The following DYNC2I2 variants were observed in gnomAD, a reference collection of about 807,000 sequenced individuals.
DYNC2I2 encodes dynein 2 intermediate chain 2, also known as cytoplasmic dynein 2 intermediate chain 2.
In DYNC2I2, 39 loss-of-function variants were observed where a neutral mutation model predicts 52.0. The observed-to-expected ratio is 0.75, with a 90% CI of 0.58 to 0.98. The LOEUF (loss-of-function observed/expected upper bound fraction) is 0.98, where lower values mean the gene tolerates loss of function less well. DYNC2I2 is among the 50% of genes least tolerant of loss of function. DYNC2I2 has a pLI of 0.00. For synonymous variants in DYNC2I2, 359 were observed against 321.1 expected (o/e 1.12, Z -1.26); for missense variants, 743 against 728.4 (o/e 1.02, Z -0.23).
the DYNC2I2 span, among the ~76,000 whole-genome samples, chr9:128,680,361 A>AATT: frequency 0.014 from 2,013 of 139,770 alleles, 25 homozygotes; most frequent in African/African-American, 0.035. Flanking sequence ...GTACCTGGTC[A>AATT]ATTATTATTA....
upstream of DYNC2I2, among the ~76,000 whole-genome samples, chr9:128,657,148 C>T (rs1409943754): frequency 6.6e-6 from 1 of 152,206 alleles, no homozygotes; most frequent in Admixed American, 6.5e-5. Context: ...AACCGCGCCA[C>T]TCGAACAGGC....
the DYNC2I2 span, chr9:128,683,835 T>G: frequency 6.3e-6 from 9 of 1,418,310 alleles, no homozygotes; most frequent in East Asian, 2.5e-5. Context: ...GTCTCAGTGT[T>G]CAGCCTGCTT....
At chr9:128,636,219 C>T in intron 4 of DYNC2I2, 62 bp downstream of exon 4, 1 of 1,550,056 alleles carries the variant, frequency 6.5e-7, no homozygotes, top group Non-Finnish European at 8.7e-7. Flanking sequence ...TCCCTTGTGC[C>T]CTCTGCAGGG....
chr9:128,683,651 A>G, the DYNC2I2 span: 1 of 431,440 alleles, frequency 2.3e-6, no homozygotes, highest in Non-Finnish European at 4.2e-6. Flanking sequence ...CCCCAAAGCC[A>G]AGAGTGCCCC....
chr9:128,666,276 G>T, the DYNC2I2 span, among the ~76,000 whole-genome samples: 2 of 151,534 alleles, frequency 1.3e-5, no homozygotes, highest in African/African-American at 2.4e-5. Flanking sequence ...CATCTATTTG[G>T]GAGGCTGAGG....
In DYNC2I2 at chr9:128,640,813, T is replaced by C. The variant is rs1192627410; in HGVS notation, c.313A>G (p.Ile105Val). 3.7e-6 allele frequency: 6 copies of C among 1,614,034 alleles called. No individual in the cohort carries two copies. In the African/African-American group the frequency reaches 6.7e-5, roughly 18 times the overall value. The change falls in exon 2 of 9, where the codon ATA becomes GTA. Residue 105 changes from isoleucine (I) to valine (V), a missense_variant. By Grantham distance (29) the Ile-to-Val change is conservative. Coordinates refer to ENST00000372715, the MANE Select transcript of DYNC2I2 (RefSeq NM_052844.4). The part of the protein sequence containing the change: ...VSVQPPSQYD[I>V]PRLAAFLRRV... ...CGAAGAAAGGCTGCGAGCCTGGGTA[T>C]GTCATACTGGGACGGGGGCTGCACG...
At chr9:128,655,638 G>A (rs1363467833) in intron 1 of DYNC2I2, among the ~76,000 whole-genome samples, 2 of 151,056 alleles carry the variant, frequency 1.3e-5, no homozygotes, top group African/African-American at 2.4e-5. Context: ...GGCCGGGCGC[G>A]GTGGCTCACG....
In DYNC2I2 at chr9:128,633,978, G is replaced by A. The variant is rs1005115532; in HGVS notation, c.1377C>T (p.Asp459=). 1.4e-5 allele frequency: 22 copies of A among 1,612,858 alleles called. No individual in the cohort carries two copies. The highest frequency in any genetic ancestry group is 3.3e-4 in the Middle Eastern group (2 of 6,084). ...TTTTCTGGAGATCAAACAGCTGCACGTCACCTGCAAAGAGAGACAGATACG... is the reference window on the plus strand; with the variant it reads ...TTTTCTGGAGATCAAACAGCTGCACATCACCTGCAAAGAGAGACAGATACG... ...LVFAAASGKG[D]VQLFDLQKSS... is the part of the protein sequence containing the mutation. Residue 459 remains aspartate, a synonymous_variant, in exon 9 of 9, where the codon GAC becomes GAT. Transcript: ENST00000372715.
chr9:128,680,478 C>G, the DYNC2I2 span, among the ~76,000 whole-genome samples: 2 of 149,846 alleles, frequency 1.3e-5, no homozygotes, highest in African/African-American at 2.5e-5. Context: ...CCTGGGTTCA[C>G]GCCATTGTCC....
intron 4 of DYNC2I2, 68 bp from the exon 5 acceptor site, chr9:128,635,835 C>A: frequency 6.9e-7 from 1 of 1,448,658 alleles, no homozygotes; most frequent in South Asian, 1.2e-5. Context: ...GCCAAACACC[C>A]GCCCCAGCCC....
At chr9:128,652,853 G>T (rs1860744162) in intron 1 of DYNC2I2, among the ~76,000 whole-genome samples, 1 of 150,670 alleles carries the variant, frequency 6.6e-6, no homozygotes, top group Admixed American at 6.6e-5. Flanking sequence ...GGGAGGCGGA[G>T]GTTGCAGTGA....
chr9:128,662,685 T>G, the DYNC2I2 span, among the ~76,000 whole-genome samples: 1 of 152,076 alleles, frequency 6.6e-6, no homozygotes, highest in Non-Finnish European at 1.5e-5. Context: ...GTTCAAGTGA[T>G]CCTCCTGCTT....
chr9:128,635,212 C>A lies in DYNC2I2; in HGVS notation c.861G>T (p.Leu287=), dbSNP rs779376544. The change falls in exon 6 of 9, where the codon CTG becomes CTT. Residue 287 remains leucine (L), a synonymous_variant. Transcript: ENST00000372715. ...EPGHSHRFQV[L]SVATDGKVLL... ...GCACCTTCCCGTCGGTGGCCACACTCAGCACCTGGAAGCGGTGGCTGTGCC... is the reference window on the plus strand; with the variant it reads ...GCACCTTCCCGTCGGTGGCCACACTAAGCACCTGGAAGCGGTGGCTGTGCC... 2.0e-5 allele frequency: 32 copies of A among 1,613,274 alleles called. No individual in the cohort carries two copies. The highest frequency in any genetic ancestry group is 2.5e-5 in the Non-Finnish European group (30 of 1,179,946).
Position 128,635,741 on chromosome 9 carries a change from CCAA to C in DYNC2I2, c.727_729del (p.Leu243del). The stretch of plus-strand genomic sequence containing the variant: ...TCCTCAAGACGGCTCAGGTCCCACA[CCAA>C]CACCTCACCACTGTACAGCCCTCCT... On this transcript the variant is annotated inframe_deletion, in exon 5 of 9. Coordinates refer to ENST00000372715, the MANE Select transcript of DYNC2I2 (RefSeq NM_052844.4). 1.2e-6 allele frequency: 2 copies of C among 1,613,144 alleles called. No individual in the cohort carries two copies. The highest frequency in any genetic ancestry group is 1.7e-6 in the Non-Finnish European group (2 of 1,179,598).
At chr9:128,648,173 T>C (rs1860651951) in intron 1 of DYNC2I2, among the ~76,000 whole-genome samples, 1 of 151,176 alleles carries the variant, frequency 6.6e-6, no homozygotes, top group African/African-American at 2.4e-5. Context: ...CTTTGGGAGG[T>C]CGAGGCAGGA....
At chr9:128,640,441 G>A (rs915884201) in intron 2 of DYNC2I2, among the ~76,000 whole-genome samples, 4 of 152,194 alleles carry the variant, frequency 2.6e-5, no homozygotes, top group East Asian at 1.9e-4. Flanking sequence ...CACTCTGGAC[G>A]TTACTTCCAT....
At chr9:128,642,980 G>C (rs188767095) in intron 1 of DYNC2I2, among the ~76,000 whole-genome samples, 1 of 152,010 alleles carries the variant, frequency 6.6e-6, no homozygotes, top group Non-Finnish European at 1.5e-5. Flanking sequence ...ATGGGATGGC[G>C]AGGGTGGCCT....
chr9:128,682,441 C>T, the DYNC2I2 span, among the ~76,000 whole-genome samples: 2 of 152,146 alleles, frequency 1.3e-5, no homozygotes, highest in South Asian at 2.1e-4. Context: ...CTTTGGGAGG[C>T]TGAGGTGGGC....
At chr9:128,644,424 A>G (rs955384001) in intron 1 of DYNC2I2, among the ~76,000 whole-genome samples, 1 of 151,958 alleles carries the variant, frequency 6.6e-6, no homozygotes, top group African/African-American at 2.4e-5. Context: ...ACAGGTACAC[A>G]ACCACACCTG....
Sources: gnomAD v4.1 joint callset for allele counts (sites outside exome capture counted in the v4.1 genomes callset) on GRCh38, gnomAD v4.1.1 for gene constraint, MANE v1.5 for transcripts, NCBI Gene and HGNC (gene_info 2026-07-23, HGNC 2026-07-21) for gene names.